Variants in TRIO observed in about 807,000 individuals in gnomAD.
TRIO encodes trio Rho guanine nucleotide exchange factor, also known as triple functional domain protein.
In TRIO, 58 loss-of-function variants were observed where a neutral mutation model predicts 351.9. The observed-to-expected ratio is 0.16, with a 90% CI of 0.13 to 0.21. The LOEUF is 0.21. TRIO is among the 10% of genes least tolerant of loss of function. The probability of loss-of-function intolerance (pLI) is 1.00; values close to 1 mark genes in which losing one functional copy is unlikely to be tolerated. For missense variants in TRIO, 3,201 were observed against 4,027.8 expected, an observed-to-expected ratio of 0.79 and a Z score of 5.56; for synonymous variants, 1,758 against 1,595.7, an observed-to-expected ratio of 1.10 and a Z score of -2.42.
At chr5:14,205,907 ATTTTAGTAG>A (rs1791430054) in intron 1 of TRIO, among the ~76,000 whole-genome samples, 1 of 151,652 alleles carries the variant, frequency 6.6e-6, no homozygotes, top group Non-Finnish European at 1.5e-5. Context: ...TAATTTTTGT[ATTTTAGTAG>A]AGAAGGGGTT....
At chr5:14,331,010 C>T in intron 10 of TRIO, 110 bp downstream of exon 10, 1 of 1,497,248 alleles carries the variant, frequency 6.7e-7, no homozygotes, top group Non-Finnish European at 9.1e-7. Flanking sequence ...ATGTGTTTGA[C>T]ACCTCAGATG....
intron 2 of TRIO, among the ~76,000 whole-genome samples, chr5:14,275,261 T>C (rs1347074611): frequency 6.6e-6 from 1 of 152,336 alleles, no homozygotes; most frequent in Non-Finnish European, 1.5e-5. Flanking sequence ...CCAAATGTAA[T>C]TTAGTATTTT....
chr5:14,502,471 G>A, intron 53 of TRIO, 108 bp from the exon 54 acceptor site: 2 of 995,556 alleles, frequency 2.0e-6, no homozygotes, highest in Non-Finnish European at 3.1e-6. Context: ...TGTGGCAGGT[G>A]CCCGGTGGCC....
At chr5:14,450,011 A>G (rs548111452) in intron 34 of TRIO, among the ~76,000 whole-genome samples, 19 of 152,386 alleles carry the variant, frequency 1.2e-4, no homozygotes, top group African/African-American at 4.3e-4. Context: ...AGGAAAAATG[A>G]TGCTCAAAGT....
At chr5:14,463,693 AG>A (rs1754003438) in intron 36 of TRIO, among the ~76,000 whole-genome samples, 1 of 145,756 alleles carries the variant, frequency 6.9e-6, no homozygotes, top group African/African-American at 2.6e-5. Flanking sequence ...TTTTTTTGGC[AG>A]TAACTAAATT....
chr5:14,464,668 CTTG>C (rs1430223929), intron 36 of TRIO, among the ~76,000 whole-genome samples: 1 of 152,136 alleles, frequency 6.6e-6, no homozygotes, highest in African/African-American at 2.4e-5. Context: ...GTGTAAAAGC[CTTG>C]TTGTGAGTGT....
chr5:14,153,391 T>C (rs1359588172), intron 1 of TRIO, among the ~76,000 whole-genome samples: 2 of 152,212 alleles, frequency 1.3e-5, no homozygotes, highest in Non-Finnish European at 2.9e-5. Context: ...CTGCTTGCAA[T>C]GTCATAGGAT....
rs1343108000 is a variant in TRIO at position 14,143,706 on chromosome 5, C to T, written c.-20C>T. ...GGCGCGGGGCCCGAGGCGGGCGCGGCCGCGGGCGCCGCCGCAGCCATGAGC... is the reference window on the plus strand; with the variant it reads ...GGCGCGGGGCCCGAGGCGGGCGCGGTCGCGGGCGCCGCCGCAGCCATGAGC... On this transcript the variant is annotated 5_prime_UTR_variant, in exon 1 of 57. Coordinates refer to ENST00000344204, the MANE Select transcript of TRIO (RefSeq NM_007118.4). 1.0e-6 allele frequency: 1 copy of T among 975,388 alleles called. No homozygotes were observed. Among genetic ancestry groups the T allele is most frequent in the Non-Finnish European group, 1.2e-6 (1 of 824,782 alleles). 60.4% of individuals were successfully genotyped at this position (975,388 alleles called of 1,614,324 possible).
chr5:14,353,903 G>A (rs1180268613), intron 11 of TRIO, among the ~76,000 whole-genome samples: 3 of 152,222 alleles, frequency 2.0e-5, no homozygotes, highest in Non-Finnish European at 4.4e-5. Context: ...ATGAGACTTG[G>A]TAAAATCGTT....
intron 1 of TRIO, among the ~76,000 whole-genome samples, chr5:14,146,154 CAG>C (rs907269658): frequency 5.0e-5 from 7 of 140,282 alleles, no homozygotes; most frequent in African/African-American, 1.6e-4. Flanking sequence ...TAGCAGGGGG[CAG>C]AGAGGGGTCA....
At chr5:14,479,498 C>T in intron 42 of TRIO, 148 bp downstream of exon 42, 1 of 676,362 alleles carries the variant, frequency 1.5e-6, no homozygotes, top group Non-Finnish European at 2.4e-6. Context: ...TCTTTCTTTC[C>T]TGTAAATCAG....
intron 17 of TRIO, 31 bp from the exon 18 acceptor site, chr5:14,369,341 CAA>C: frequency 6.4e-7 from 1 of 1,573,526 alleles, no homozygotes. Flanking sequence ...TGGCAGATGC[CAA>C]GTCTGAGCCT....
At chr5:14,413,766 G>A (rs1749398201) in intron 33 of TRIO, among the ~76,000 whole-genome samples, 1 of 152,196 alleles carries the variant, frequency 6.6e-6, no homozygotes, top group Admixed American at 6.5e-5. Flanking sequence ...TACAAATTAA[G>A]TGTTTGTAAA....
intron 1 of TRIO, among the ~76,000 whole-genome samples, chr5:14,164,402 A>G (rs1788645715): frequency 6.6e-6 from 1 of 152,202 alleles, no homozygotes; most frequent in Non-Finnish European, 1.5e-5. Flanking sequence ...GCTCCAGCTT[A>G]AATAAATTGG....
intron 1 of TRIO, among the ~76,000 whole-genome samples, chr5:14,157,013 TACAAATTGCCAAAG>T (rs766619783): frequency 2.0e-5 from 3 of 152,200 alleles, no homozygotes; most frequent in Admixed American, 6.5e-5. Context: ...CATCTCAATG[TACAAATTGCCAAAG>T]AGAAGAAATA....
chr5:14,270,600 T>G (rs1056173247), intron 1 of TRIO, among the ~76,000 whole-genome samples: 2 of 152,220 alleles, frequency 1.3e-5, no homozygotes, highest in Admixed American at 6.5e-5. Context: ...GCGAGCCTTT[T>G]GGGGACATGA....
Position 14,390,753 on chromosome 5 carries a change from T to G in TRIO, c.4129-148T>G, listed in dbSNP as rs1403453272. 1.0e-5 allele frequency: 7 copies of G among 669,930 alleles called. No individual in the cohort carries two copies. In the Admixed American group the frequency reaches 2.1e-4, roughly 20 times the overall value. 41.5% of individuals were successfully genotyped at this position (669,930 alleles called of 1,614,324 possible). On this transcript the variant is annotated intron_variant, in intron 26 of 56. Coordinates refer to ENST00000344204, the MANE Select transcript of TRIO (RefSeq NM_007118.4). ...GCATGCTGTCAGAACGATGTGTTTCTTATTTCAGTAGCTTTCTTTTTAAAA... is the reference window on the plus strand; with the variant it reads ...GCATGCTGTCAGAACGATGTGTTTCGTATTTCAGTAGCTTTCTTTTTAAAA...
chr5:14,364,543 C>T, intron 14 of TRIO, 107 bp from the exon 15 acceptor site: 2 of 1,397,068 alleles, frequency 1.4e-6, no homozygotes, highest in South Asian at 1.4e-5. Flanking sequence ...GGCTTGGCCC[C>T]CAGCTGGGCA....
chr5:14,205,753 G>A (rs1791419027), intron 1 of TRIO, among the ~76,000 whole-genome samples: 1 of 152,156 alleles, frequency 6.6e-6, no homozygotes, highest in Non-Finnish European at 1.5e-5. Flanking sequence ...TTTATTTAGA[G>A]ACAGAGTCTC....
Sources: gnomAD v4.1 joint callset for allele counts (sites outside exome capture counted in the v4.1 genomes callset) on GRCh38, gnomAD v4.1.1 for gene constraint, MANE v1.5 for transcripts, NCBI Gene and HGNC (gene_info 2026-07-23, HGNC 2026-07-21) for gene names.